Variants in KIAA0825 observed in about 807,000 individuals in gnomAD.
KIAA0825 encodes KIAA0825, also known as uncharacterized protein KIAA0825.
In KIAA0825, 119 loss-of-function variants were observed where a neutral mutation model predicts 147.6. The observed-to-expected ratio is 0.81, with a 90% confidence interval of 0.69 to 0.94. The LOEUF (loss-of-function observed/expected upper bound fraction) is 0.94, where lower values mean the gene tolerates loss of function less well. Among genes scored for constraint, KIAA0825 ranks in the 40% least tolerant of loss-of-function variants. KIAA0825 has a pLI of 0.00. For synonymous variants in KIAA0825, 470 were observed against 518.1 expected (o/e 0.91, Z 1.26); for missense variants, 1,381 against 1,472.7 (o/e 0.94, Z 1.02).
At chr5:94,508,216 A>G (rs1449604424) in intron 5 of KIAA0825, among the ~76,000 whole-genome samples, 1 of 152,172 alleles carries the variant, frequency 6.6e-6, no homozygotes, top group Non-Finnish European at 1.5e-5. Context: ...GCAAAAGGCA[A>G]CTTAATATTT....
chr5:94,460,188 T>C (rs1487393980), intron 12 of KIAA0825, among the ~76,000 whole-genome samples: 1 of 152,160 alleles, frequency 6.6e-6, no homozygotes, highest in Non-Finnish European at 1.5e-5. Flanking sequence ...ACCTGCAGTT[T>C]AACTGCCTTT....
intron 1 of KIAA0825, chr5:94,593,579 T>G (rs953206274): frequency 5.5e-6 from 3 of 549,254 alleles, no homozygotes; most frequent in Non-Finnish European, 1.0e-5. Flanking sequence ...AAGAAACAAC[T>G]TAAATCAACT....
At chr5:94,234,387 A>T (rs1269438523) in intron 20 of KIAA0825, among the ~76,000 whole-genome samples, 1 of 151,310 alleles carries the variant, frequency 6.6e-6, no homozygotes, top group African/African-American at 2.4e-5. Context: ...AAATAAAAAT[A>T]AAAATAAAAA....
rs191596479 is a variant in KIAA0825, at chr5:94,332,822, T to A, written c.3710+51546A>T. 1.2e-3 allele frequency among the ~76,000 whole-genome samples: 188 copies of A among 152,306 alleles called. 2 individuals carry two copies. The highest frequency in any genetic ancestry group is 0.01 in the Admixed American group (159 of 15,300). ...ATTGCCACAATATCTTCCATATTGG[T>A]TGAACTAATTTACACTCCCACCAAC... On this transcript the variant is annotated intron_variant, in intron 20 of 20. Transcript: ENST00000682413.
At chr5:94,220,712 T>C (rs761002260) in intron 20 of KIAA0825, among the ~76,000 whole-genome samples, 1 of 152,180 alleles carries the variant, frequency 6.6e-6, no homozygotes, top group Non-Finnish European at 1.5e-5. Flanking sequence ...AATGACTATA[T>C]AGAGACAATT....
chr5:94,372,495 G>A (rs1304277143), intron 20 of KIAA0825, among the ~76,000 whole-genome samples: 1 of 152,212 alleles, frequency 6.6e-6, no homozygotes. Flanking sequence ...CCACGTGGAA[G>A]CTGCCAAGGT....
intron 3 of KIAA0825, among the ~76,000 whole-genome samples, chr5:94,527,774 G>A (rs1160293578): frequency 6.6e-6 from 1 of 151,824 alleles, no homozygotes; most frequent in East Asian, 1.9e-4. Flanking sequence ...TCATTGTGAG[G>A]TAATAGATTT....
chr5:94,338,115 T>C lies in KIAA0825; in HGVS notation c.3710+46253A>G, dbSNP rs992804471. 4.0e-4 allele frequency among the ~76,000 whole-genome samples: 61 copies of C among 152,192 alleles called. 1 individual carries two copies. Reference sequence around the variant, plus strand: ...GACTGGTTCAGTACAACACCCAGGTTCCCAGCTTATTCAACCAGATGAGTG... The same window carrying C: ...GACTGGTTCAGTACAACACCCAGGTCCCCAGCTTATTCAACCAGATGAGTG... On this transcript the variant is annotated intron_variant, in intron 20 of 20. Transcript: ENST00000682413.
chr5:94,210,612 C>A (rs1254758180), intron 20 of KIAA0825, among the ~76,000 whole-genome samples: 1 of 152,026 alleles, frequency 6.6e-6, no homozygotes, highest in Non-Finnish European at 1.5e-5. Context: ...ACCCAAGGAG[C>A]AATAAGAAGT....
chr5:94,530,271 C>CAAAAAA (rs770501364), intron 3 of KIAA0825, among the ~76,000 whole-genome samples: 10 of 54,498 alleles, frequency 1.8e-4, no homozygotes, highest in South Asian at 1.1e-3. Context: ...AACTCCGTCA[C>CAAAAAA]AAAAAAAAAA....
At chr5:94,483,802 G>GT (rs1554290854) in intron 6 of KIAA0825, among the ~76,000 whole-genome samples, 2 of 151,746 alleles carry the variant, frequency 1.3e-5, no homozygotes, top group Non-Finnish European at 3.0e-5. Flanking sequence ...CGTGGGCAAA[G>GT]TAAGTAAAGG....
intron 16 of KIAA0825, among the ~76,000 whole-genome samples, chr5:94,399,372 T>C (rs1004313048): frequency 2.0e-5 from 3 of 152,128 alleles, no homozygotes; most frequent in African/African-American, 7.2e-5. Context: ...ACAAGCTAAG[T>C]AGATATTAGG....
chr5:94,272,649 C>T (rs1471317684), intron 20 of KIAA0825, among the ~76,000 whole-genome samples: 1 of 152,154 alleles, frequency 6.6e-6, no homozygotes, highest in East Asian at 1.9e-4. Flanking sequence ...ATTTACTCAT[C>T]TGTCTTCAAT....
At chr5:94,362,848 T>C (rs11960465) in intron 20 of KIAA0825, among the ~76,000 whole-genome samples, 10,967 of 152,256 alleles carry the variant, frequency 0.072, 1,314 homozygotes, top group African/African-American at 0.25. Context: ...AGTATTCTTA[T>C]AATCAACACA....
At chr5:94,506,105 A>G (rs898163558) in intron 5 of KIAA0825, among the ~76,000 whole-genome samples, 2 of 152,062 alleles carry the variant, frequency 1.3e-5, no homozygotes, top group African/African-American at 4.8e-5. Context: ...TGCTCAGTGA[A>G]TAATGATTAT....
intron 14 of KIAA0825, among the ~76,000 whole-genome samples, chr5:94,430,923 G>T (rs984252851): frequency 1.3e-5 from 2 of 152,238 alleles, no homozygotes. Flanking sequence ...TATTTACTTG[G>T]TCTACCTCTC....
At position 94,280,767 on chromosome 5, in the gene KIAA0825, T is replaced by C. The variant is rs981188607; in HGVS notation, c.3710+103601A>G. ...CAAAATGAGAAAAATTAATTTTAAATGCTAAAAAGATGAGACTTCTGGTGC... is the reference window on the plus strand; with the variant it reads ...CAAAATGAGAAAAATTAATTTTAAACGCTAAAAAGATGAGACTTCTGGTGC... On this transcript the variant is annotated intron_variant, in intron 20 of 20. Coordinates refer to ENST00000682413, the MANE Select transcript of KIAA0825 (RefSeq NM_001145678.3). Among the ~76,000 whole-genome samples the C allele has an allele frequency of 2.0e-5, 3 of 152,064 alleles. No individual in the cohort carries two copies. In the East Asian group the frequency reaches 5.8e-4, roughly 29 times the overall value.
rs997473379 is a variant in KIAA0825, at chr5:94,273,976, T to C, written c.3710+110392A>G. ...TAGAATATTGTCCATATGAAATAGGTATAATTGGTACAGAATAGAAAATAT... is the reference window on the plus strand; with the variant it reads ...TAGAATATTGTCCATATGAAATAGGCATAATTGGTACAGAATAGAAAATAT... On this transcript the variant is annotated intron_variant, in intron 20 of 20. Transcript: ENST00000682413. Among the ~76,000 whole-genome samples, 3 of 152,284 alleles carry C rather than the reference T, an allele frequency of 2.0e-5. No homozygotes were observed. The East Asian group carries it at 5.8e-4, about 29-fold the overall frequency.
intron 1 of KIAA0825, among the ~76,000 whole-genome samples, chr5:94,605,873 C>T (rs141930278): frequency 1.5e-3 from 228 of 152,274 alleles, no homozygotes; most frequent in African/African-American, 5.2e-3. Flanking sequence ...TGCCCTCTCT[C>T]GCCACTTCCA....
Sources: gnomAD v4.1 joint callset for allele counts (sites outside exome capture counted in the v4.1 genomes callset) on GRCh38, gnomAD v4.1.1 for gene constraint, MANE v1.5 for transcripts, NCBI Gene and HGNC (gene_info 2026-07-23, HGNC 2026-07-21) for gene names.